Variants in IDO1 observed in about 807,000 individuals in gnomAD.
The protein encoded by IDO1 is indoleamine 2,3-dioxygenase 1.
A neutral mutation model predicts 38.8 loss-of-function variants in IDO1; 35 were observed. The observed-to-expected ratio is 0.90, with a 90% CI of 0.69 to 1.20. IDO1 has a LOEUF of 1.20. Ranked by LOEUF, IDO1 falls within the 50% of genes most tolerant of loss-of-function variation. IDO1 has a pLI of 0.00. For missense variants in IDO1, 509 were observed against 485.1 expected (o/e 1.05, Z -0.46); for synonymous variants, 171 against 170.0 (o/e 1.01, Z -0.05).
chr8:39,918,767 A>C lies in IDO1; in HGVS notation c.304-48A>C, dbSNP rs758481813. 7.5e-3 allele frequency: 4,367 copies of C among 579,668 alleles called. 6 individuals carry two copies. Among genetic ancestry groups the C allele is most frequent in the African/African-American group, 0.011 (495 of 43,790 alleles). The allele number at this position is 579,668 out of a possible 1,614,324, so 35.9% of individuals were successfully genotyped here. A position where few individuals can be genotyped will look rare whatever the true frequency, so the allele number is the denominator to read the frequency against. ...ATCTCAAAAAAAAAAAAAAAAAAAA[A>C]AACAACAACAACAACAACAAAAAAC... On this transcript the variant is annotated intron_variant, in intron 3 of 9. Coordinates refer to ENST00000518237, the MANE Select transcript of IDO1 (RefSeq NM_002164.6).
intron 6 of IDO1, 46 bp from the exon 7 acceptor site, chr8:39,923,423 A>T (rs891616484): frequency 8.6e-7 from 1 of 1,165,636 alleles, no homozygotes; most frequent in Non-Finnish European, 1.2e-6. Flanking sequence ...AAAAAAAAAG[A>T]AAGAAAGAAA....
chr8:39,921,319 G>A lies in IDO1; in HGVS notation c.437+1205G>A, dbSNP rs183930947. On this transcript the variant is annotated intron_variant, in intron 5 of 9. Transcript: ENST00000518237. ...AATGCAAAAATTAGCGGGGCATGGT[G>A]GCACATGCCTGTAATCTCAGCTACT... 1.6e-4 allele frequency among the ~76,000 whole-genome samples: 24 copies of A among 152,196 alleles called. No individual in the cohort carries two copies. In the East Asian group the frequency reaches 4.6e-3, roughly 29 times the overall value.
Position 39,928,626 on chromosome 8 carries a change from G to A in IDO1, c.*441G>A, listed in dbSNP as rs1432056173. On this transcript the variant is annotated 3_prime_UTR_variant, in exon 10 of 10. Transcript: ENST00000518237. ...CGGGCACCTGTAGTCCCAGCTACTCGGGAGGCTGAGGCAGGAGAATGGCGT... is the reference window on the plus strand; with the variant it reads ...CGGGCACCTGTAGTCCCAGCTACTCAGGAGGCTGAGGCAGGAGAATGGCGT... 3.3e-5 allele frequency among the ~76,000 whole-genome samples: 5 copies of A among 151,718 alleles called. No individual in the cohort carries two copies. Among genetic ancestry groups the A allele is most frequent in the African/African-American group, 7.3e-5 (3 of 41,318 alleles).
intron 9 of IDO1, among the ~76,000 whole-genome samples, chr8:39,925,628 A>C (rs1807347963): frequency 6.6e-6 from 1 of 152,162 alleles, no homozygotes; most frequent in African/African-American, 2.4e-5. Flanking sequence ...TCAAGCCTGT[A>C]ATCCTAGCAC....
At chr8:39,925,476 T>C in intron 9 of IDO1, 105 bp downstream of exon 9, 7 of 1,134,132 alleles carry the variant, frequency 6.2e-6, no homozygotes, top group Non-Finnish European at 8.5e-6. Context: ...GCTTATCTGA[T>C]AGTTTTAGCA....
chr8:39,926,014 T>C (rs924872543), intron 9 of IDO1, among the ~76,000 whole-genome samples: 1 of 150,704 alleles, frequency 6.6e-6, no homozygotes, highest in African/African-American at 2.4e-5. Flanking sequence ...GGTGAAACCC[T>C]GTCTCTACTA....
chr8:39,914,026 A>C lies in IDO1; in HGVS notation c.87+17A>C, dbSNP rs1807136450. The C allele has an allele frequency of 6.7e-7, 1 of 1,498,398 alleles. No individual in the cohort carries two copies. Among genetic ancestry groups the C allele is most frequent in the Admixed American group, 2.0e-5 (1 of 51,140 alleles). The allele number at this position is 1,498,398 out of a possible 1,614,324, so 92.8% of individuals were successfully genotyped here. On this transcript the variant is annotated intron_variant, in intron 1 of 9. Transcript: ENST00000518237. ...AATCCACAGGTAAGAGAAGGCAGTAAAATGTGGGAAAATGCATTCTTCTTC... is the reference window on the plus strand; with the variant it reads ...AATCCACAGGTAAGAGAAGGCAGTACAATGTGGGAAAATGCATTCTTCTTC...
chr8:39,918,562 A>G (rs747781286), intron 3 of IDO1: 35 of 474,036 alleles, frequency 7.4e-5, no homozygotes, highest in Non-Finnish European at 1.3e-4. Context: ...CTTGGCTAAC[A>G]TAGTGAAACC....
At chr8:39,927,253 A>G (rs1384120855) in intron 9 of IDO1, among the ~76,000 whole-genome samples, 2 of 152,132 alleles carry the variant, frequency 1.3e-5, no homozygotes, top group East Asian at 3.8e-4. Flanking sequence ...TTACAGTAGA[A>G]AAGAGAGAAA....
intron 9 of IDO1, 97 bp from the exon 10 acceptor site, chr8:39,927,733 T>C: frequency 1.5e-6 from 1 of 652,258 alleles, no homozygotes; most frequent in Non-Finnish European, 2.5e-6. Flanking sequence ...AATGCTATAT[T>C]GGTGATCTCC....
rs752144501 is a variant in IDO1 at position 39,923,516 on chromosome 8, T to TCCCGTTC, written c.585_586insCCCGTTC (p.Leu196ProfsTer57). 1.9e-6 allele frequency: 3 copies of TCCCGTTC among 1,613,660 alleles called. No individual in the cohort carries two copies. The African/African-American group carries it at 4.0e-5, about 22-fold the overall frequency. Reference sequence around the variant, plus strand: ...CAATGCAAATGCAAGAACGGGACACTTTGCTAAAGGCGCTGTTGGAAATAG... The same window carrying TCCCGTTC: ...CAATGCAAATGCAAGAACGGGACACTCCCGTTCTTGCTAAAGGCGCTGTTGGAAATAG... On this transcript the variant is annotated frameshift_variant, in exon 7 of 10. Coordinates refer to ENST00000518237, the MANE Select transcript of IDO1 (RefSeq NM_002164.6). LOFTEE classifies it high-confidence loss of function.
Position 39,925,265 on chromosome 8 carries a change from A to G in IDO1, c.750A>G (p.Glu250=). The change falls in exon 9 of 10, where the codon GAA becomes GAG. Residue 250 remains glutamate, a synonymous_variant. Transcript: ENST00000518237. ...NPQLSDGLVY[E]GFWEDPKEFA... Reference sequence around the variant, plus strand: ...AGCTATCAGACGGTCTGGTGTATGAAGGGTTCTGGGAAGACCCAAAGGAGT... The same window carrying G: ...AGCTATCAGACGGTCTGGTGTATGAGGGGTTCTGGGAAGACCCAAAGGAGT... The G allele has an allele frequency of 6.2e-7, 1 of 1,612,726 alleles. No individual in the cohort carries two copies. The highest frequency in any genetic ancestry group is 1.1e-5 in the South Asian group (1 of 90,886).
chr8:39,922,435 G>T (rs952610181), intron 5 of IDO1, 117 bp from the exon 6 acceptor site: 2 of 697,134 alleles, frequency 2.9e-6, no homozygotes, highest in Non-Finnish European at 5.2e-6. Flanking sequence ...AGATAGTAAG[G>T]CCTGCCACAC....
At chr8:39,922,267 C>A (rs1364614937) in intron 5 of IDO1, among the ~76,000 whole-genome samples, 2 of 152,120 alleles carry the variant, frequency 1.3e-5, no homozygotes, top group Non-Finnish European at 2.9e-5. Context: ...TCCTAAAGTG[C>A]CGGAATTACA....
At chr8:39,927,764 T>C in intron 9 of IDO1, 66 bp from the exon 10 acceptor site, 2 of 1,016,574 alleles carry the variant, frequency 2.0e-6, no homozygotes, top group South Asian at 1.9e-5. Context: ...GACCTCACTC[T>C]GCCTTTCTCT....
At position 39,923,596 on chromosome 8, in the gene IDO1, G is replaced by T; in HGVS notation, c.655+10G>T. 6.7e-7 allele frequency: 1 copy of T among 1,498,124 alleles called. No individual in the cohort carries two copies. The highest frequency in any genetic ancestry group is 1.4e-5 in the African/African-American group (1 of 72,774). The allele number at this position is 1,498,124 out of a possible 1,614,324, so 92.8% of individuals were successfully genotyped here. ...TTTCACCAAATCCACGGCAAGTGTT[G>T]TGTGCAGTGCAATAGTCTAGGCTGA... On this transcript the variant is annotated intron_variant, in intron 7 of 9. Coordinates refer to ENST00000518237, the MANE Select transcript of IDO1 (RefSeq NM_002164.6).
intron 1 of IDO1, among the ~76,000 whole-genome samples, chr8:39,914,900 G>A (rs1302174550): frequency 2.0e-5 from 3 of 152,068 alleles, no homozygotes; most frequent in Non-Finnish European, 4.4e-5. Context: ...CAAGTAGCTG[G>A]GATTATAGGC....
Position 39,927,931 on chromosome 8 carries a change from G to T in IDO1, c.958G>T (p.Val320Phe), listed in dbSNP as rs1382597616. ...LESNPSVREFVLSKGDAGLRE... is the reference protein window; with the variant it reads ...LESNPSVREFFLSKGDAGLRE... ...GTCAAATCCCTCAGTCCGTGAGTTT[G>T]TCCTTTCAAAAGGTGATGCTGGCCT... Residue 320 changes from valine (V) to phenylalanine (F), a missense_variant, in exon 10 of 10, where the codon GTC becomes TTC. Transcript: ENST00000518237. The T allele has an allele frequency of 1.2e-6, 2 of 1,607,300 alleles. No individual in the cohort carries two copies. Among genetic ancestry groups the T allele is most frequent in the Non-Finnish European group, 1.7e-6 (2 of 1,176,828 alleles).
At chr8:39,922,913 A>G (rs75827827) in intron 6 of IDO1, 8,739 of 457,148 alleles carry the variant, frequency 0.019, 97 homozygotes, top group Non-Finnish European at 0.025. Flanking sequence ...TGGAACTATG[A>G]TACAGTGTCA....
Sources: allele counts gnomAD v4.1 joint callset (sites outside exome capture counted in the v4.1 genomes callset), GRCh38; gene constraint gnomAD v4.1.1; transcripts MANE v1.5; gene names NCBI Gene and HGNC (gene_info 2026-07-23, HGNC 2026-07-21).